The following FRAS1 variants were observed in gnomAD, a reference collection of about 807,000 sequenced individuals.
FRAS1 encodes Fraser extracellular matrix complex subunit 1, also known as extracellular matrix organizing protein FRAS1.
Under a neutral mutation model 435.2 loss-of-function variants are expected in FRAS1, and 290 were observed. The observed-to-expected ratio is 0.67, with a 90% CI of 0.61 to 0.73. The LOEUF (loss-of-function observed/expected upper bound fraction) is 0.73, where lower values mean the gene tolerates loss of function less well. Among genes scored for constraint, FRAS1 ranks in the 30% least tolerant of loss-of-function variants. The probability of loss-of-function intolerance (pLI) is 0.00; values close to 1 mark genes in which losing one functional copy is unlikely to be tolerated. For synonymous variants in FRAS1, 1,800 were observed against 1,851.0 expected (o/e 0.97, Z 0.71); for missense variants, 4,860 against 5,001.5 (o/e 0.97, Z 0.85).
rs76311118 is a variant in FRAS1 at position 78,361,362 on chromosome 4, A to G, written c.2423-2151A>G. On this transcript the variant is annotated intron_variant, in intron 20 of 73. Coordinates refer to ENST00000512123, the MANE Select transcript of FRAS1 (RefSeq NM_025074.7). Reference sequence around the variant, plus strand: ...CTTTGTAGTTTACTGAAGGACTGAAATGAGGATTAATTTGGGTCTCAGGAT... The same window carrying G: ...CTTTGTAGTTTACTGAAGGACTGAAGTGAGGATTAATTTGGGTCTCAGGAT... Among the ~76,000 whole-genome samples, 660 of 152,340 alleles carry G rather than the reference A, an allele frequency of 4.3e-3. 4 individuals are homozygous for G. Among genetic ancestry groups the G allele is most frequent in the East Asian group, 0.043 (223 of 5,188 alleles).
chr4:78,239,232 G>A (rs999087205), intron 3 of FRAS1, among the ~76,000 whole-genome samples: 2 of 151,894 alleles, frequency 1.3e-5, no homozygotes, highest in Admixed American at 6.6e-5. Flanking sequence ...TTGGTAAATG[G>A]CAACCCCATT....
At chr4:78,506,049 A>G (rs1352420318) in intron 61 of FRAS1, among the ~76,000 whole-genome samples, 1 of 152,226 alleles carries the variant, frequency 6.6e-6, no homozygotes, top group Non-Finnish European at 1.5e-5. Context: ...TTGCCTGGGT[A>G]TCACCAGCAG....
intron 29 of FRAS1, among the ~76,000 whole-genome samples, chr4:78,397,626 T>G (rs955238667): frequency 1.3e-5 from 2 of 152,148 alleles, no homozygotes; most frequent in Non-Finnish European, 2.9e-5. Context: ...GTGGAGCCCA[T>G]TAGCCAGTTA....
intron 18 of FRAS1, among the ~76,000 whole-genome samples, chr4:78,328,123 G>T (rs1192372739): frequency 6.6e-6 from 1 of 152,072 alleles, no homozygotes; most frequent in Non-Finnish European, 1.5e-5. Context: ...TGGACTTCTT[G>T]GCCCACAAGC....
At chr4:78,116,420 G>A (rs766026402) in intron 2 of FRAS1, among the ~76,000 whole-genome samples, 1 of 152,144 alleles carries the variant, frequency 6.6e-6, no homozygotes, top group Non-Finnish European at 1.5e-5. Flanking sequence ...GTCTAATGTT[G>A]ACAGTGGGGT....
intron 9 of FRAS1, among the ~76,000 whole-genome samples, chr4:78,274,129 T>G (rs985435049): frequency 5.9e-5 from 9 of 152,240 alleles, no homozygotes; most frequent in African/African-American, 2.2e-4. Flanking sequence ...TCTCTGATGG[T>G]AGTTTGTATT....
At chr4:78,390,828 A>C (rs1006359028) in intron 29 of FRAS1, among the ~76,000 whole-genome samples, 4 of 152,228 alleles carry the variant, frequency 2.6e-5, no homozygotes, top group African/African-American at 9.7e-5. Context: ...ACCTGGAGTG[A>C]GCTGATAGTT....
At chr4:78,345,517 C>T (rs1359988001) in intron 20 of FRAS1, among the ~76,000 whole-genome samples, 1 of 148,206 alleles carries the variant, frequency 6.7e-6, no homozygotes, top group Non-Finnish European at 1.5e-5. Context: ...TAGTCCTGTT[C>T]TTCTATCTCT....
At position 78,432,513 on chromosome 4, in the gene FRAS1, G is replaced by A. The variant is rs763116888; in HGVS notation, c.5126G>A (p.Arg1709Gln). Reference sequence around the variant, plus strand: ...GTAGAGGTGTCCCTGTCAGAAGACCGAGGGCCTCGACTGGCTGCTGGCTCC... The same window carrying A: ...GTAGAGGTGTCCCTGTCAGAAGACCAAGGGCCTCGACTGGCTGCTGGCTCC... ...VRVEVSLSED[R>Q]GPRLAAGSSL... Residue 1709 changes from arginine (R) to glutamine (Q), a missense_variant, in exon 38 of 74, where the codon CGA becomes CAA. Arg to Gln is a conservative substitution (Grantham distance 43). Transcript: ENST00000512123. The A allele has an allele frequency of 2.6e-5, 42 of 1,612,840 alleles. No homozygotes were observed. Among genetic ancestry groups the A allele is most frequent in the African/African-American group, 5.3e-5 (4 of 74,900 alleles).
rs1209603456 is a variant in FRAS1 at position 78,541,781 on chromosome 4, C to T, written c.*657C>T. 1 of 152,180 alleles carries T rather than the reference C, an allele frequency of 6.6e-6. No individual in the cohort carries two copies. Among genetic ancestry groups the T allele is most frequent in the Non-Finnish European group, 1.5e-5 (1 of 68,036 alleles). The allele number at this position is 152,180 out of a possible 1,614,324, so 9.4% of individuals were successfully genotyped here. Reference sequence around the variant, plus strand: ...CTGCCTCCTCAGCCACAGAGAACTCCCTCCTACAAAGGGGGAGACTGAAAC... The same window carrying T: ...CTGCCTCCTCAGCCACAGAGAACTCTCTCCTACAAAGGGGGAGACTGAAAC... On this transcript the variant is annotated 3_prime_UTR_variant, in exon 74 of 74. Coordinates refer to ENST00000512123, the MANE Select transcript of FRAS1 (RefSeq NM_025074.7).
chr4:78,105,347 G>A (rs1456423868), intron 2 of FRAS1, among the ~76,000 whole-genome samples: 1 of 152,206 alleles, frequency 6.6e-6, no homozygotes, highest in Non-Finnish European at 1.5e-5. Flanking sequence ...ACAGGCATCA[G>A]GAAGTTCTAG....
At chr4:78,274,402 A>T (rs1283733004) in intron 9 of FRAS1, among the ~76,000 whole-genome samples, 1 of 152,044 alleles carries the variant, frequency 6.6e-6, no homozygotes, top group Non-Finnish European at 1.5e-5. Context: ...TTTCATTGTG[A>T]TGTTAGAGTG....
intron 5 of FRAS1, among the ~76,000 whole-genome samples, chr4:78,253,346 A>C (rs1470324352): frequency 6.6e-6 from 1 of 152,148 alleles, no homozygotes; most frequent in Non-Finnish European, 1.5e-5. Context: ...TACTGATTTC[A>C]TATTGTTCAA....
intron 40 of FRAS1, 138 bp downstream of exon 40, chr4:78,439,202 A>G (rs1371582347): frequency 1.4e-6 from 1 of 690,948 alleles, no homozygotes; most frequent in Middle Eastern, 2.4e-4. Flanking sequence ...GAAGATATGC[A>G]TGGTTTTCAA....
chr4:78,182,054 G>T, intron 2 of FRAS1: 2 of 1,507,732 alleles, frequency 1.3e-6, no homozygotes, highest in Non-Finnish European at 1.8e-6. Context: ...CATGATGGTG[G>T]CTCGGCGGCG....
intron 23 of FRAS1, among the ~76,000 whole-genome samples, chr4:78,371,951 C>A (rs1465613933): frequency 1.3e-5 from 2 of 152,156 alleles, no homozygotes; most frequent in Non-Finnish European, 2.9e-5. Flanking sequence ...TTTTTAACAA[C>A]CCCCCTGGAT....
intron 20 of FRAS1, among the ~76,000 whole-genome samples, chr4:78,356,623 T>G (rs1730868720): frequency 6.6e-6 from 1 of 152,152 alleles, no homozygotes; most frequent in South Asian, 2.1e-4. Context: ...GGGATGTTTT[T>G]GGCAGAAAAG....
chr4:78,249,897 A>G (rs1952399), intron 4 of FRAS1, among the ~76,000 whole-genome samples: 51,459 of 151,894 alleles, frequency 0.34, 9,079 homozygotes, highest in South Asian at 0.59. Flanking sequence ...GGTAGTAACA[A>G]AAGTTCTTGT....
chr4:78,447,955 C>A, intron 43 of FRAS1, 98 bp from the exon 44 acceptor site: 1 of 1,159,650 alleles, frequency 8.6e-7, no homozygotes, highest in Non-Finnish European at 1.2e-6. Context: ...TGACATTCTA[C>A]CCAGACTCAT....
Sources: allele counts gnomAD v4.1 joint callset (sites outside exome capture counted in the v4.1 genomes callset), GRCh38; gene constraint gnomAD v4.1.1; transcripts MANE v1.5; gene names NCBI Gene and HGNC (gene_info 2026-07-23, HGNC 2026-07-21).